The following GABBR2 variants were observed in gnomAD, a reference collection of about 807,000 sequenced individuals.
GABBR2 encodes the protein G-protein coupled receptor 51.
Under a neutral mutation model 105.6 loss-of-function variants are expected in GABBR2, and 23 were observed. That is an observed-to-expected ratio of 0.22 (90% CI 0.16 to 0.31). GABBR2 has a LOEUF of 0.31. GABBR2 is among the 10% of genes least tolerant of loss of function. The pLI is 1.00. For missense variants in GABBR2, 734 were observed against 1,245.5 expected, an observed-to-expected ratio of 0.59 and a Z score of 6.18; for synonymous variants, 478 against 499.7, an observed-to-expected ratio of 0.96 and a Z score of 0.58.
intron 2 of GABBR2, among the ~76,000 whole-genome samples, chr9:98,569,859 C>T (rs1466653822): frequency 6.6e-6 from 1 of 152,168 alleles, no homozygotes; most frequent in Admixed American, 6.5e-5. Context: ...CTCAGACAGC[C>T]TACAGTTTAA....
chr9:98,520,077 T>A (rs1827837095), intron 3 of GABBR2, among the ~76,000 whole-genome samples: 1 of 152,198 alleles, frequency 6.6e-6, no homozygotes, highest in African/African-American at 2.4e-5. Flanking sequence ...TGAGCTTTTT[T>A]TCTTGTCTGT....
At chr9:98,357,542 G>C (rs1049169325) in intron 13 of GABBR2, among the ~76,000 whole-genome samples, 1 of 152,180 alleles carries the variant, frequency 6.6e-6, no homozygotes, top group East Asian at 1.9e-4. Context: ...CAGCTACTTG[G>C]GGGGCTGAGG....
At chr9:98,657,303 TA>T (rs1461717297) in intron 1 of GABBR2, among the ~76,000 whole-genome samples, 1 of 152,160 alleles carries the variant, frequency 6.6e-6, no homozygotes, top group East Asian at 1.9e-4. Context: ...ATGTCTCTAT[TA>T]AAAGTGAAAA....
chr9:98,505,423 G>GGTGTGT (rs59702034), intron 3 of GABBR2, among the ~76,000 whole-genome samples: 6,483 of 148,410 alleles, frequency 0.044, 140 homozygotes, highest in Middle Eastern at 0.06. Flanking sequence ...GCTGTATCCA[G>GGTGTGT]GTGTGTGTGT....
intron 1 of GABBR2, among the ~76,000 whole-genome samples, chr9:98,642,575 G>C (rs1206359637): frequency 6.6e-6 from 1 of 152,162 alleles, no homozygotes; most frequent in Non-Finnish European, 1.5e-5. Flanking sequence ...CCACCACTCT[G>C]TTTCCTACAC....
intron 1 of GABBR2, among the ~76,000 whole-genome samples, chr9:98,666,573 G>A (rs1171023492): frequency 1.3e-5 from 2 of 152,116 alleles, no homozygotes; most frequent in Non-Finnish European, 2.9e-5. Context: ...TCATAGACGG[G>A]GTCTTGCTAT....
intron 3 of GABBR2, among the ~76,000 whole-genome samples, chr9:98,518,650 C>G (rs1827807326): frequency 6.6e-6 from 1 of 152,244 alleles, no homozygotes; most frequent in Non-Finnish European, 1.5e-5. Context: ...CAGTGATCAA[C>G]AGCCCAGAGA....
At position 98,288,747 on chromosome 9, in the gene GABBR2, T is replaced by C. The variant is rs1000468445; in HGVS notation, c.*1837A>G. 4 of 152,540 alleles carry C rather than the reference T, an allele frequency of 2.6e-5. No individual in the cohort carries two copies. Among genetic ancestry groups the C allele is most frequent in the Admixed American group, 6.5e-5 (1 of 15,280 alleles). 9.4% of individuals were successfully genotyped at this position (152,540 alleles called of 1,614,324 possible). A position where few individuals can be genotyped will look rare whatever the true frequency, so the allele number is the denominator to read the frequency against. On this transcript the variant is annotated 3_prime_UTR_variant, in exon 19 of 19. Transcript: ENST00000259455. ...CCTGTGATGTGTTAACATTTTTTTT[T>C]CCCTAAAAGCTACAGTACCTCCATA...
intron 8 of GABBR2, among the ~76,000 whole-genome samples, chr9:98,396,576 C>T (rs192422376): frequency 6.6e-6 from 1 of 152,316 alleles, no homozygotes; most frequent in East Asian, 1.9e-4. Context: ...GGTCACCCGG[C>T]CCCTAAATGT....
At chr9:98,480,870 A>G in intron 5 of GABBR2, 62 bp downstream of exon 5, 1 of 909,348 alleles carries the variant, frequency 1.1e-6, no homozygotes. Flanking sequence ...GGAGATAATG[A>G]GTATGGGAAA....
chr9:98,310,439 G>A (rs559534799), intron 14 of GABBR2, among the ~76,000 whole-genome samples: 53 of 151,978 alleles, frequency 3.5e-4, no homozygotes, highest in Non-Finnish European at 6.6e-4. Context: ...GTAGAGATGG[G>A]GTTTTGCCAC....
intron 11 of GABBR2, among the ~76,000 whole-genome samples, chr9:98,381,696 A>G (rs1831979107): frequency 6.6e-6 from 1 of 152,174 alleles, no homozygotes; most frequent in African/African-American, 2.4e-5. Flanking sequence ...AACAGCCTTG[A>G]CTGCAAATAA....
chr9:98,507,104 A>G (rs1431287657), intron 3 of GABBR2, among the ~76,000 whole-genome samples: 1 of 152,186 alleles, frequency 6.6e-6, no homozygotes, highest in Non-Finnish European at 1.5e-5. Flanking sequence ...AGCCAGGCTG[A>G]TGGAAAACTG....
chr9:98,649,491 T>C (rs1339819334), intron 1 of GABBR2, among the ~76,000 whole-genome samples: 3 of 152,136 alleles, frequency 2.0e-5, no homozygotes, highest in African/African-American at 4.8e-5. Context: ...AGGGATCCCA[T>C]GGCTACAAAA....
intron 7 of GABBR2, among the ~76,000 whole-genome samples, chr9:98,433,645 T>C (rs1825849968): frequency 6.6e-6 from 1 of 152,234 alleles, no homozygotes; most frequent in East Asian, 1.9e-4. Flanking sequence ...CTGAGGTCCA[T>C]GTGGGACAGG....
chr9:98,453,223 A>G (rs12351078), intron 7 of GABBR2, among the ~76,000 whole-genome samples: 39,612 of 152,118 alleles, frequency 0.26, 6,160 homozygotes, highest in African/African-American at 0.42. Context: ...ACAGGGTTTC[A>G]CCATGTTGGT....
rs1463946380 is a variant in GABBR2, at chr9:98,289,558, A to ACT, written c.*1024_*1025dup. The ACT allele has an allele frequency of 3.3e-5, 5 of 150,598 alleles. No homozygotes were observed. The highest frequency in any genetic ancestry group is 1.2e-4 in the African/African-American group (5 of 40,704). 9.3% of individuals were successfully genotyped at this position (150,598 alleles called of 1,614,324 possible). On this transcript the variant is annotated 3_prime_UTR_variant, in exon 19 of 19. Coordinates refer to ENST00000259455, the MANE Select transcript of GABBR2 (RefSeq NM_005458.8). Reference sequence around the variant, plus strand: ...AGCCAAGGGAAGCCCTCAGCCAGCAACTCTCTCCCCTATGTCTACGGGGAT... The same window carrying ACT: ...AGCCAAGGGAAGCCCTCAGCCAGCAACTCTCTCTCCCCTATGTCTACGGGGAT...
intron 7 of GABBR2, among the ~76,000 whole-genome samples, chr9:98,433,166 G>A (rs898826326): frequency 3.4e-4 from 51 of 152,224 alleles, no homozygotes; most frequent in African/African-American, 1.2e-3. Context: ...TGTACGCTGT[G>A]TAAAGCATTG....
chr9:98,658,368 C>T (rs1830209915), intron 1 of GABBR2, among the ~76,000 whole-genome samples: 1 of 150,800 alleles, frequency 6.6e-6, no homozygotes, highest in African/African-American at 2.4e-5. Flanking sequence ...ATGGGTACAG[C>T]TTCAGTGGAG....
Sources: allele counts gnomAD v4.1 joint callset (sites outside exome capture counted in the v4.1 genomes callset), GRCh38; gene constraint gnomAD v4.1.1; transcripts MANE v1.5; gene names NCBI Gene and HGNC (gene_info 2026-07-23, HGNC 2026-07-21).